The following ARHGAP32 variants were observed in gnomAD, a reference collection of about 807,000 sequenced individuals.
ARHGAP32 encodes the protein rho GTPase-activating protein 32.
In ARHGAP32, 51 loss-of-function variants were observed where a neutral mutation model predicts 186.5. The ratio of observed to expected loss-of-function variants is 0.27; its 90% CI spans 0.22 to 0.35. The LOEUF (loss-of-function observed/expected upper bound fraction) is 0.35. ARHGAP32 is among the 10% of genes least tolerant of loss of function. The pLI, the probability that ARHGAP32 is intolerant of heterozygous loss-of-function variation, is 1.00. For missense variants in ARHGAP32, 2,186 were observed against 2,623.5 expected (o/e 0.83, Z 3.64); for synonymous variants, 950 against 964.3 (o/e 0.99, Z 0.27).
rs79469281 is a variant in ARHGAP32, at chr11:129,012,009, T to G, written c.1046-13541A>C. On this transcript the variant is annotated intron_variant, in intron 11 of 22. Coordinates refer to ENST00000682385, the MANE Select transcript of ARHGAP32 (RefSeq NM_001378024.1). ...TTAAAAACAACAGGTGGGGAAAGGG[T>G]AAAGGGTAAGAATAGGATGTGAAAC... 8.3e-3 allele frequency among the ~76,000 whole-genome samples: 1,263 copies of G among 152,202 alleles called. 16 individuals carry two copies. Among genetic ancestry groups the G allele is most frequent in the African/African-American group, 0.029 (1,212 of 41,528 alleles).
upstream of ARHGAP32, among the ~76,000 whole-genome samples, chr11:129,194,751 CT>C (rs1944369133): frequency 6.6e-6 from 1 of 150,576 alleles, no homozygotes; most frequent in Non-Finnish European, 1.5e-5. Context: ...GAAACTCCGT[CT>C]CAAAAAAAAA....
chr11:128,997,592 A>G (rs1467973388), intron 12 of ARHGAP32, among the ~76,000 whole-genome samples: 2 of 152,176 alleles, frequency 1.3e-5, no homozygotes, highest in East Asian at 3.8e-4. Flanking sequence ...GGAAAGTGCT[A>G]TTTTTAAATA....
At chr11:129,011,403 T>C (rs1358966324) in intron 11 of ARHGAP32, among the ~76,000 whole-genome samples, 7 of 152,160 alleles carry the variant, frequency 4.6e-5, no homozygotes, top group Admixed American at 1.3e-4. Context: ...AGATTATTTA[T>C]AGTGGCTAAT....
intron 11 of ARHGAP32, among the ~76,000 whole-genome samples, chr11:129,018,587 T>C (rs1049395664): frequency 6.6e-6 from 1 of 152,204 alleles, no homozygotes; most frequent in Non-Finnish European, 1.5e-5. Flanking sequence ...CTGAAAAACT[T>C]TAGTTCGCAT....
chr11:129,095,256 G>A (rs1406480550), intron 5 of ARHGAP32, among the ~76,000 whole-genome samples: 1 of 152,186 alleles, frequency 6.6e-6, no homozygotes, highest in African/African-American at 2.4e-5. Flanking sequence ...GATGTGCTTG[G>A]ACGCCTGGCA....
rs543551967 is a variant in ARHGAP32, at chr11:129,057,385, A to G, written c.963+4895T>C. ...GACCTGTTCCCCACCAAGTCTATGT[A>G]AGAGAGTCCCTCAGGTGCCTTCAGG... On this transcript the variant is annotated intron_variant, in intron 10 of 22. Transcript: ENST00000682385. Among the ~76,000 whole-genome samples, 181 of 152,152 alleles carry G rather than the reference A, an allele frequency of 1.2e-3. 3 individuals carry two copies. The highest frequency in any genetic ancestry group is 4.3e-3 in the African/African-American group (177 of 41,504).
intron 7 of ARHGAP32, among the ~76,000 whole-genome samples, chr11:129,065,650 C>CT (rs1319714693): frequency 6.6e-6 from 1 of 152,128 alleles, no homozygotes; most frequent in Non-Finnish European, 1.5e-5. Flanking sequence ...TCCTGAGACC[C>CT]TGCTGCAGTG....
chr11:129,207,432 T>C (rs1260813282), intron 1 of ARHGAP32, among the ~76,000 whole-genome samples: 5 of 152,244 alleles, frequency 3.3e-5, no homozygotes, highest in Non-Finnish European at 5.9e-5. Flanking sequence ...ATCGCCATTC[T>C]AACTAGCATG....
intron 11 of ARHGAP32, among the ~76,000 whole-genome samples, chr11:128,999,072 C>A (rs948907435): frequency 1.3e-5 from 2 of 152,200 alleles, no homozygotes; most frequent in African/African-American, 2.4e-5. Flanking sequence ...AACCATAAGG[C>A]CTGACTGCCT....
intron 19 of ARHGAP32, among the ~76,000 whole-genome samples, chr11:128,977,820 G>A (rs1251344801): frequency 6.6e-6 from 1 of 151,148 alleles, no homozygotes; most frequent in Non-Finnish European, 1.5e-5. Flanking sequence ...AAGCCTAGAG[G>A]TATGTGCCAC....
chr11:129,168,022 A>C (rs1943673636), intron 1 of ARHGAP32, among the ~76,000 whole-genome samples: 1 of 152,146 alleles, frequency 6.6e-6, no homozygotes, highest in Non-Finnish European at 1.5e-5. Context: ...AGGTGGGCAT[A>C]TTACTTGTGC....
chr11:129,052,812 C>T (rs1443501580), intron 10 of ARHGAP32, among the ~76,000 whole-genome samples: 1 of 151,896 alleles, frequency 6.6e-6, no homozygotes. Flanking sequence ...TTTTATTTCT[C>T]CTTTATATCT....
At position 128,973,177 on chromosome 11, in the gene ARHGAP32, G is replaced by T. The variant is rs374876936; in HGVS notation, c.3329C>A (p.Ala1110Asp). 37 of 1,614,016 alleles carry T rather than the reference G, an allele frequency of 2.3e-5. No homozygotes were observed. The highest frequency in any genetic ancestry group is 3.0e-5 in the Non-Finnish European group (35 of 1,180,040). The change falls in exon 22 of 23, where the codon GCC (alanine) becomes GAC (aspartate). Residue 1110 changes from alanine to aspartate, a missense_variant. Ala to Asp is a moderately radical substitution (Grantham distance 126). Transcript: ENST00000682385. ...TGCTGGTCGATCGGTTTGGAAATAG[G>T]CCTTATCTAGAGCAACTGCAGAGTA... ...SSYSAVALDK[A>D]YFQTDRPAEQ...
At chr11:129,066,564 T>C (rs1940696803) in intron 7 of ARHGAP32, among the ~76,000 whole-genome samples, 167 bp downstream of exon 7, 1 of 152,090 alleles carries the variant, frequency 6.6e-6, no homozygotes, top group African/African-American at 2.4e-5. Flanking sequence ...CTACTTTCAT[T>C]CTAAACATTA....
intron 11 of ARHGAP32, among the ~76,000 whole-genome samples, chr11:129,019,153 G>A (rs904847545): frequency 4.6e-5 from 7 of 152,136 alleles, no homozygotes; most frequent in African/African-American, 1.7e-4. Flanking sequence ...TGAATCTTCT[G>A]GTCTGTTTTG....
chr11:129,096,914 T>C (rs1165694373), intron 5 of ARHGAP32, among the ~76,000 whole-genome samples: 1 of 152,194 alleles, frequency 6.6e-6, no homozygotes, highest in Non-Finnish European at 1.5e-5. Context: ...AGAAAGTGAC[T>C]GCACACTCTC....
intron 11 of ARHGAP32, among the ~76,000 whole-genome samples, chr11:129,025,636 G>A (rs570896114): frequency 2.6e-5 from 4 of 151,492 alleles, no homozygotes; most frequent in Admixed American, 2.0e-4. Context: ...GGGAGGGCAA[G>A]GGAAAAACAA....
chr11:128,989,553 C>CACACACACACACACAT (rs1555065837), intron 12 of ARHGAP32, among the ~76,000 whole-genome samples: 1 of 150,512 alleles, frequency 6.6e-6, no homozygotes, highest in Non-Finnish European at 1.5e-5. Context: ...CACACACACA[C>CACACACACACACACAT]ACATACATAT....
At position 129,139,373 on chromosome 11, in the gene ARHGAP32, T is replaced by C. The variant is rs74813452; in HGVS notation, c.226-14479A>G. 7.1e-3 allele frequency among the ~76,000 whole-genome samples: 1,086 copies of C among 152,316 alleles called. 13 individuals are homozygous for C. The highest frequency in any genetic ancestry group is 0.025 in the African/African-American group (1,044 of 41,584). On this transcript the variant is annotated intron_variant, in intron 2 of 22. Coordinates refer to ENST00000682385, the MANE Select transcript of ARHGAP32 (RefSeq NM_001378024.1). The stretch of plus-strand genomic sequence containing the variant: ...ATTTAACATCAACAACAACAGATTA[T>C]ATATATGCTTCCCCTGCCCAATCGA...
Sources: allele counts gnomAD v4.1 joint callset (sites outside exome capture counted in the v4.1 genomes callset), GRCh38; gene constraint gnomAD v4.1.1; transcripts MANE v1.5; gene names NCBI Gene and HGNC (gene_info 2026-07-23, HGNC 2026-07-21).